The following SIK3 variants were observed in gnomAD, a reference collection of about 807,000 sequenced individuals.
SIK3 encodes the protein serine/threonine-protein kinase SIK3.
Under a neutral mutation model 144.2 loss-of-function variants are expected in SIK3, and 28 were observed. That is an observed-to-expected ratio of 0.19 (90% CI 0.14 to 0.27). The LOEUF is 0.27. Among genes scored for constraint, SIK3 ranks in the 10% least tolerant of loss-of-function variants. The pLI, the probability that SIK3 is intolerant of heterozygous loss-of-function variation, is 1.00. For synonymous variants in SIK3, 686 were observed against 676.3 expected, an observed-to-expected ratio of 1.01 and a Z score of -0.22; for missense variants, 1,319 against 1,776.0, an observed-to-expected ratio of 0.74 and a Z score of 4.62.
chr11:116,851,207 C>T (rs1378859954), intron 21 of SIK3, among the ~76,000 whole-genome samples: 2 of 152,072 alleles, frequency 1.3e-5, no homozygotes, highest in East Asian at 3.9e-4. Context: ...CTTTAAAAGC[C>T]TGGGACTTGA....
At chr11:116,922,632 C>T (rs1256015515) in intron 4 of SIK3, among the ~76,000 whole-genome samples, 1 of 152,126 alleles carries the variant, frequency 6.6e-6, no homozygotes, top group Non-Finnish European at 1.5e-5. Context: ...ACAAAACAAA[C>T]AAACAGTATC....
At chr11:116,898,931 C>G (rs2134799611) in intron 4 of SIK3, among the ~76,000 whole-genome samples, 1 of 141,502 alleles carries the variant, frequency 7.1e-6, no homozygotes, top group South Asian at 2.3e-4. Context: ...TGCCTGTTCA[C>G]TCTCATGGTA....
chr11:117,022,497 T>C (rs1358486944), intron 1 of SIK3, among the ~76,000 whole-genome samples: 3 of 152,166 alleles, frequency 2.0e-5, no homozygotes, highest in Non-Finnish European at 4.4e-5. Flanking sequence ...ACTGATTAAT[T>C]CTTGAAAAAT....
At chr11:116,970,469 G>A (rs2135463076) in intron 1 of SIK3, among the ~76,000 whole-genome samples, 1 of 152,114 alleles carries the variant, frequency 6.6e-6, no homozygotes, top group African/African-American at 2.4e-5. Context: ...AAGTAATCAA[G>A]CCATTTAGTT....
In SIK3 at chr11:116,873,832, T is replaced by C. The variant is rs552907857; in HGVS notation, c.1581+71A>G. On this transcript the variant is annotated intron_variant, in intron 12 of 24. Coordinates refer to ENST00000445177, the MANE Select transcript of SIK3 (RefSeq NM_001366686.3). Reference sequence around the variant, plus strand: ...GTAAACCCTTAAGTCCTAGGGAAGGTGCCTCATAGCCTCTCAAAGGAAGCT... The same window carrying C: ...GTAAACCCTTAAGTCCTAGGGAAGGCGCCTCATAGCCTCTCAAAGGAAGCT... 2.5e-5 allele frequency: 38 copies of C among 1,539,868 alleles called. 1 individual carries two copies. Among genetic ancestry groups the C allele is most frequent in the African/African-American group, 1.9e-4 (14 of 71,912 alleles).
chr11:117,091,200 CTTTTTTTTTTTTTTTTTTTT>C (rs386375011), intron 1 of SIK3, among the ~76,000 whole-genome samples: 1 of 93,008 alleles, frequency 1.1e-5, no homozygotes, highest in South Asian at 4.0e-4. Context: ...TTTTTTTTTT[CTTTTTTTTTTTTTTTTTTTT>C]TGAGACGGAG....
intron 6 of SIK3, among the ~76,000 whole-genome samples, chr11:116,889,454 C>A (rs1052554145): frequency 1.3e-5 from 2 of 152,054 alleles, no homozygotes; most frequent in African/African-American, 4.8e-5. Flanking sequence ...ATAGTCCTAG[C>A]TACTTTGGAG....
At chr11:116,853,486 A>T (rs1942628786) in intron 21 of SIK3, among the ~76,000 whole-genome samples, 2 of 152,220 alleles carry the variant, frequency 1.3e-5, no homozygotes, top group Admixed American at 6.5e-5. Flanking sequence ...AAAGTGCACA[A>T]ATGGACACAA....
At chr11:116,922,977 C>T (rs10892047) in intron 4 of SIK3, among the ~76,000 whole-genome samples, 10,549 of 131,102 alleles carry the variant, frequency 0.08, 459 homozygotes, top group Middle Eastern at 0.16. Context: ...AGTGCAATGG[C>T]GTGATCTCAG....
chr11:116,937,448 T>TA (rs1039456163), intron 3 of SIK3, among the ~76,000 whole-genome samples: 3 of 152,194 alleles, frequency 2.0e-5, no homozygotes, highest in African/African-American at 4.8e-5. Context: ...AAGCAACCTG[T>TA]AAAAAATCAG....
chr11:117,044,191 CAAATT>C (rs950965936), intron 1 of SIK3, among the ~76,000 whole-genome samples: 1 of 152,010 alleles, frequency 6.6e-6, no homozygotes, highest in African/African-American at 2.4e-5. Flanking sequence ...AACAAATTTC[CAAATT>C]ATAACTCCAA....
At chr11:117,060,857 A>G (rs1324190760) in intron 1 of SIK3, among the ~76,000 whole-genome samples, 1 of 152,202 alleles carries the variant, frequency 6.6e-6, no homozygotes, top group African/African-American at 2.4e-5. Flanking sequence ...CAAGATGTTA[A>G]TATCAGGGAA....
At chr11:116,851,773 C>T (rs1942469052) in intron 21 of SIK3, among the ~76,000 whole-genome samples, 1 of 152,242 alleles carries the variant, frequency 6.6e-6, no homozygotes, top group African/African-American at 2.4e-5. Flanking sequence ...CCCAATTCCT[C>T]TCAGTGGGCA....
At chr11:116,909,950 A>C (rs957604711) in intron 4 of SIK3, among the ~76,000 whole-genome samples, 11 of 152,232 alleles carry the variant, frequency 7.2e-5, no homozygotes, top group Admixed American at 2.6e-4. Flanking sequence ...ATCTAGGAAG[A>C]ATATATACAA....
intron 14 of SIK3, among the ~76,000 whole-genome samples, chr11:116,868,323 AAGAG>A (rs1394728481): frequency 6.6e-6 from 1 of 152,230 alleles, no homozygotes; most frequent in African/African-American, 2.4e-5. Context: ...CATTGAAGAG[AAGAG>A]AGAAAGTAGA....
intron 4 of SIK3, 54 bp from the exon 5 acceptor site, chr11:116,897,371 A>G: frequency 6.8e-7 from 1 of 1,478,896 alleles, no homozygotes; most frequent in Non-Finnish European, 9.3e-7. Context: ...ATTATAACTG[A>G]GCAAACACTA....
chr11:117,020,246 T>TATATATATATATAC, intron 1 of SIK3, among the ~76,000 whole-genome samples: 3,233 of 127,220 alleles, frequency 0.025, 98 homozygotes, highest in South Asian at 0.089. Flanking sequence ...CATATATATA[T>TATATATATATATAC]ACACATACAT....
chr11:116,892,006 G>A (rs754858631), intron 6 of SIK3, among the ~76,000 whole-genome samples: 2 of 152,176 alleles, frequency 1.3e-5, no homozygotes, highest in Non-Finnish European at 2.9e-5. Context: ...ACAGAATAGA[G>A]CAAATCTAGG....
chr11:117,081,585 C>T (rs577888712), intron 1 of SIK3, among the ~76,000 whole-genome samples: 1 of 152,284 alleles, frequency 6.6e-6, no homozygotes, highest in South Asian at 2.1e-4. Context: ...GATGGCGCCA[C>T]TGCACTCCAG....
Sources: allele counts gnomAD v4.1 joint callset (sites outside exome capture counted in the v4.1 genomes callset), GRCh38; gene constraint gnomAD v4.1.1; transcripts MANE v1.5; gene names NCBI Gene and HGNC (gene_info 2026-07-23, HGNC 2026-07-21).